Variants in LPIN1 observed in about 807,000 individuals in gnomAD.
LPIN1 encodes the protein phosphatidate phosphatase LPIN1.
LPIN1 carries 71 observed loss-of-function variants against 107.5 expected under a neutral mutation model. The ratio of observed to expected loss-of-function variants is 0.66; its 90% CI spans 0.55 to 0.80. The LOEUF is 0.80. Among genes scored for constraint, LPIN1 ranks in the 30% least tolerant of loss-of-function variants. LPIN1 has a pLI of 0.00. For synonymous variants in LPIN1, 445 were observed against 452.6 expected (o/e 0.98, Z 0.21); for missense variants, 1,043 against 1,160.6 (o/e 0.90, Z 1.47).
intron 3 of LPIN1, 149 bp downstream of exon 3, chr2:11,768,007 G>A: frequency 1.4e-6 from 1 of 700,860 alleles, no homozygotes; most frequent in Non-Finnish European, 2.6e-6. Flanking sequence ...GATCTGTGTG[G>A]GGGATTTGAG....
At chr2:11,763,985 GTGTATATATATATATA>G (rs1670294695) in intron 1 of LPIN1, among the ~76,000 whole-genome samples, 1 of 146,026 alleles carries the variant, frequency 6.8e-6, no homozygotes, top group African/African-American at 2.6e-5. Context: ...GTGTGTGTGT[GTGTATATATATATATA>G]TATATTTGGA....
intron 1 of LPIN1, among the ~76,000 whole-genome samples, chr2:11,686,636 C>A (rs1662018025): frequency 6.6e-6 from 1 of 152,122 alleles, no homozygotes; most frequent in South Asian, 2.1e-4. Context: ...AGAGCACACA[C>A]CCGCGGGAAA....
At chr2:11,745,441 G>T (rs1430819241), upstream of LPIN1, 2 of 152,360 alleles carry the variant, frequency 1.3e-5, no homozygotes, top group Non-Finnish European at 2.9e-5. Flanking sequence ...AGGCGTGGTG[G>T]TTCACACCTG....
At chr2:11,787,266 A>G (rs1280678578) in intron 11 of LPIN1, 99 bp downstream of exon 11, 39 of 875,776 alleles carry the variant, frequency 4.5e-5, no homozygotes, top group Non-Finnish European at 7.3e-5. Context: ...AATATATAAA[A>G]TAAAGACTTT....
intron 2 of LPIN1, among the ~76,000 whole-genome samples, chr2:11,717,075 G>A (rs770258174): frequency 2.6e-5 from 4 of 152,182 alleles, no homozygotes; most frequent in African/African-American, 9.7e-5. Flanking sequence ...AGCATGTTTT[G>A]TCGGGGGAGG....
chr2:11,774,742 G>T lies in LPIN1; in HGVS notation c.722+997G>T, dbSNP rs754867444. On this transcript the variant is annotated intron_variant, in intron 5 of 20. Coordinates refer to ENST00000674199, the MANE Select transcript of LPIN1 (RefSeq NM_001349206.2). This position sits in a 1 kb window ranked among gnomAD's most constrained non-coding sequence, Gnocchi z 4.4. ...GTGAATTAGCAAGCAGCAGTCCCCA[G>T]TGTGTGCTGACATGGAGGTTGGAGA... 1.2e-4 allele frequency among the ~76,000 whole-genome samples: 18 copies of T among 152,148 alleles called. No individual in the cohort carries two copies. Among genetic ancestry groups the T allele is most frequent in the South Asian group, 8.3e-4 (4 of 4,830 alleles).
intron 1 of LPIN1, chr2:11,764,103 T>TATATATATATATATAC (rs1553422099): frequency 8.2e-6 from 1 of 121,806 alleles, no homozygotes; most frequent in African/African-American, 3.4e-5. Flanking sequence ...TATATATATA[T>TATATATATATATATAC]ACACACACAC....
chr2:11,819,045 C>A (rs543823590), intron 18 of LPIN1: 1,006 of 88,010 alleles, frequency 0.011, 8 homozygotes, highest in Admixed American at 0.021. Context: ...TACACACATA[C>A]ACACACACAC....
intron 1 of LPIN1, among the ~76,000 whole-genome samples, chr2:11,693,700 C>G (rs1662383270): frequency 6.7e-6 from 1 of 148,920 alleles, no homozygotes; most frequent in Admixed American, 6.7e-5. Context: ...ACCTCCCTCT[C>G]AAAGTTCGTA....
intron 8 of LPIN1, among the ~76,000 whole-genome samples, chr2:11,782,761 G>A (rs772207950): frequency 6.6e-6 from 1 of 152,164 alleles, no homozygotes; most frequent in Non-Finnish European, 1.5e-5. Context: ...GCTGAGACCT[G>A]GGAGAGTTAA....
At chr2:11,815,303 T>A in intron 18 of LPIN1, 63 bp downstream of exon 18, 1 of 1,588,510 alleles carries the variant, frequency 6.3e-7, no homozygotes, top group South Asian at 1.1e-5. Context: ...TCTTCCTAAC[T>A]GCAAGTTTTG....
At chr2:11,810,573 C>T (rs1480527777) in intron 17 of LPIN1, among the ~76,000 whole-genome samples, 1 of 152,178 alleles carries the variant, frequency 6.6e-6, no homozygotes, top group Non-Finnish European at 1.5e-5. Flanking sequence ...GCTTGTGACC[C>T]TCTCTCCCCT....
chr2:11,700,468 GCT>G (rs147476201), intron 1 of LPIN1, among the ~76,000 whole-genome samples: 56 of 146,626 alleles, frequency 3.8e-4, no homozygotes, highest in Non-Finnish European at 4.8e-4. Context: ...CTCTCTCTCA[GCT>G]CTCTCTCTCT....
At chr2:11,705,694 A>G (rs1240625648) in intron 1 of LPIN1, among the ~76,000 whole-genome samples, 2 of 152,232 alleles carry the variant, frequency 1.3e-5, no homozygotes, top group African/African-American at 4.8e-5. Context: ...GGCCAGAGAG[A>G]TCAAAGGGAG....
chr2:11,748,272 C>G (rs1667264851), intron 1 of LPIN1, among the ~76,000 whole-genome samples: 1 of 152,200 alleles, frequency 6.6e-6, no homozygotes. Context: ...GAACAGACGG[C>G]AGGGGAGGGT....
intron 1 of LPIN1, among the ~76,000 whole-genome samples, chr2:11,732,525 C>T (rs1665337114): frequency 6.6e-6 from 1 of 152,146 alleles, no homozygotes. Flanking sequence ...ATAGTACTTA[C>T]CTAATGAAGT....
At chr2:11,747,805 C>T (rs55936623) in intron 1 of LPIN1, among the ~76,000 whole-genome samples, 2,115 of 152,322 alleles carry the variant, frequency 0.014, 47 homozygotes, top group African/African-American at 0.047. Flanking sequence ...TTTGATAGCA[C>T]TTCACGTTTG....
rs545745697 is a variant in LPIN1 at position 11,782,271 on chromosome 2, T to C, written c.1028T>C (p.Phe343Ser). The C allele has an allele frequency of 7.4e-6, 12 of 1,614,150 alleles. No homozygotes were observed. The South Asian group carries it at 1.3e-4, about 18-fold the overall frequency. The stretch of plus-strand genomic sequence containing the variant: ...AGAAAAATTTGTGATAAAAGTCACT[T>C]TCAGGCCATTCACAGCGAATCTTCA... ...SSRKICDKSH[F>S]QAIHSESSDT... The change falls in exon 8 of 21, where the codon TTT becomes TCT. Residue 343 changes from phenylalanine to serine, a missense_variant. Coordinates refer to ENST00000674199, the MANE Select transcript of LPIN1 (RefSeq NM_001349206.2).
chr2:11,772,947 G>A (rs1466759769), intron 4 of LPIN1, among the ~76,000 whole-genome samples: 2 of 152,182 alleles, frequency 1.3e-5, no homozygotes, highest in Admixed American at 1.3e-4. Context: ...TCTAACCTGT[G>A]ACAGGCTTAG....
Sources: gnomAD v4.1 joint callset for allele counts (sites outside exome capture counted in the v4.1 genomes callset) on GRCh38, gnomAD v4.1.1 for gene constraint, Gnocchi (gnomAD v3.1) non-coding constraint, MANE v1.5 for transcripts, NCBI Gene and HGNC (gene_info 2026-07-23, HGNC 2026-07-21) for gene names.